PRKDC: variants seen among roughly 807,000 people sequenced by gnomAD.
The protein encoded by PRKDC is DNA-dependent protein kinase catalytic subunit.
PRKDC carries 82 observed loss-of-function variants against 486.9 expected under a neutral mutation model. The ratio of observed to expected loss-of-function variants is 0.17; its 90% confidence interval spans 0.14 to 0.20. PRKDC has a LOEUF of 0.20. Among genes scored for constraint, PRKDC ranks in the 10% least tolerant of loss-of-function variants. The pLI, the probability that PRKDC is intolerant of heterozygous loss-of-function variation, is 1.00. For missense variants in PRKDC, 4,504 were observed against 5,038.2 expected (o/e 0.89, Z 3.21); for synonymous variants, 1,895 against 1,837.0 (o/e 1.03, Z -0.81).
In PRKDC at chr8:47,957,430, T is replaced by C. The variant is rs2090722843; in HGVS notation, c.156A>G (p.Ala52=). Residue 52 remains alanine, a splice_region_variant and synonymous_variant, in exon 2 of 86, where the codon GCA becomes GCG. Coordinates refer to ENST00000314191, the MANE Select transcript of PRKDC (RefSeq NM_006904.7). Reference sequence around the variant, plus strand: ...TGGAAAAAACTAAAGATGTCTGTAATGCTGTTCAAAAAAATAAGTAAACAA... The same window carrying C: ...TGGAAAAAACTAAAGATGTCTGTAACGCTGTTCAAAAAAATAAGTAAACAA... ...CVLSSSPAVL[A]LQTSLVFSRD... 8.3e-6 allele frequency: 13 copies of C among 1,574,264 alleles called. No homozygotes were observed. Among genetic ancestry groups the C allele is most frequent in the East Asian group, 6.9e-5 (3 of 43,422 alleles).
chr8:47,943,808 T>C (rs752910736), intron 9 of PRKDC, 45 bp downstream of exon 9: 1 of 1,447,168 alleles, frequency 6.9e-7, no homozygotes, highest in Non-Finnish European at 9.4e-7. Flanking sequence ...GAGATGTTAA[T>C]TTAGTAATCT....
intron 22 of PRKDC, among the ~76,000 whole-genome samples, chr8:47,917,304 A>G (rs1453116968): frequency 1.3e-5 from 2 of 152,188 alleles, no homozygotes; most frequent in African/African-American, 4.8e-5. Context: ...TTGTAAAACT[A>G]GAGATATATT....
At chr8:47,935,263 AGGCT>A (rs2154503762) in intron 13 of PRKDC, among the ~76,000 whole-genome samples, 1 of 152,280 alleles carries the variant, frequency 6.6e-6, no homozygotes, top group East Asian at 1.9e-4. Context: ...GCACTTTGGG[AGGCT>A]GAGGCAGGTG....
intron 4 of PRKDC, among the ~76,000 whole-genome samples, chr8:47,955,036 C>G (rs2090679207): frequency 6.6e-6 from 1 of 151,978 alleles, no homozygotes; most frequent in Non-Finnish European, 1.5e-5. Flanking sequence ...TGCCTGTAAT[C>G]CCAGCTACTC....
intron 21 of PRKDC, among the ~76,000 whole-genome samples, chr8:47,922,996 A>G (rs1443186583): frequency 6.6e-6 from 1 of 152,140 alleles, no homozygotes; most frequent in Admixed American, 6.5e-5. Flanking sequence ...AGCAAAGGTC[A>G]CTTAATCTTG....
At chr8:47,934,521 CGA>C (rs2090314323) in intron 14 of PRKDC, among the ~76,000 whole-genome samples, 1 of 152,058 alleles carries the variant, frequency 6.6e-6, no homozygotes, top group Non-Finnish European at 1.5e-5. Flanking sequence ...GGTGACAGAG[CGA>C]GACTCTGTCT....
At chr8:47,911,388 C>T (rs2089899811) in intron 25 of PRKDC, among the ~76,000 whole-genome samples, 1 of 152,236 alleles carries the variant, frequency 6.6e-6, no homozygotes, top group African/African-American at 2.4e-5. Context: ...TCACATTAAA[C>T]ATCATGTGAA....
chr8:47,795,890 T>C (rs2086975469), intron 73 of PRKDC, among the ~76,000 whole-genome samples: 2 of 151,262 alleles, frequency 1.3e-5, no homozygotes. Context: ...AACATTGGTA[T>C]GGAATTTTTT....
chr8:47,831,906 G>C lies in PRKDC; in HGVS notation c.8173C>G (p.Leu2725Val), dbSNP rs766994936. 17 of 1,613,110 alleles carry C rather than the reference G, an allele frequency of 1.1e-5. No individual in the cohort carries two copies. The East Asian group carries it at 3.3e-4, about 32-fold the overall frequency. ...KVKGAAGRTD[L>V]LRLRRRFMRD... ...ATAAACCGTCTGCGCAGTCGTAGTA[G>C]GTCCGTCCGGCCGGCCGCACCTGGA... The change falls in exon 60 of 86, where the codon CTA (leucine) becomes GTA (valine). Residue 2725 changes from leucine (L) to valine (V), a missense_variant. Around this residue, in one of 6 missense-constraint regions of PRKDC, gnomAD observed 1,592 missense variants for 1,724.6 expected, o/e 0.92. Transcript: ENST00000314191.
chr8:47,904,358 A>T (rs2089734784), intron 26 of PRKDC, among the ~76,000 whole-genome samples: 1 of 152,186 alleles, frequency 6.6e-6, no homozygotes, highest in Non-Finnish European at 1.5e-5. Context: ...AGGTTGAAGC[A>T]ATTCTCATGC....
chr8:47,832,828 G>A (rs1050774269), intron 59 of PRKDC, among the ~76,000 whole-genome samples: 4 of 152,130 alleles, frequency 2.6e-5, no homozygotes, highest in African/African-American at 7.2e-5. Flanking sequence ...AGACTGAAAC[G>A]GATCTACGCC....
chr8:47,836,375 G>A lies in PRKDC; in HGVS notation c.7914C>T (p.Thr2638=), dbSNP rs1315268731. 5.0e-6 allele frequency: 8 copies of A among 1,606,332 alleles called. No homozygotes were observed. Among genetic ancestry groups the A allele is most frequent in the Middle Eastern group, 1.7e-4 (1 of 6,030 alleles). The change falls in exon 58 of 86, where the codon ACC becomes ACT. Residue 2638 remains threonine (T), a synonymous_variant. Coordinates refer to ENST00000314191, the MANE Select transcript of PRKDC (RefSeq NM_006904.7). ...TCAGTGTGAAGTCATGCTGCTGCTG[G>A]GTGGCCCTTATCTGCCCTGCCACTG... ...RWPVAGQIRA[T]QQQHDFTLTQ...
chr8:47,908,809 T>C (rs1039465308), intron 25 of PRKDC, among the ~76,000 whole-genome samples: 3 of 152,222 alleles, frequency 2.0e-5, no homozygotes, highest in Non-Finnish European at 4.4e-5. Flanking sequence ...CAGACAGATA[T>C]GCTATGTGGT....
intron 25 of PRKDC, among the ~76,000 whole-genome samples, chr8:47,909,469 T>C (rs749634726): frequency 5.3e-5 from 8 of 152,112 alleles, no homozygotes; most frequent in South Asian, 2.1e-4. Context: ...ACCGTACAAA[T>C]TGATTGTAAA....
intron 67 of PRKDC, among the ~76,000 whole-genome samples, chr8:47,818,371 A>G (rs1359919974): frequency 6.6e-6 from 1 of 151,970 alleles, no homozygotes; most frequent in Non-Finnish European, 1.5e-5. Flanking sequence ...CGAGGTCAGG[A>G]GATCGAGACC....
intron 66 of PRKDC, among the ~76,000 whole-genome samples, 192 bp downstream of exon 66, chr8:47,820,527 G>A (rs1230481029): frequency 1.3e-5 from 2 of 151,862 alleles, no homozygotes; most frequent in Non-Finnish European, 2.9e-5. Flanking sequence ...AGAATGAACA[G>A]CATTATTGGA....
intron 64 of PRKDC, 114 bp from the exon 65 acceptor site, chr8:47,821,906 CGGAAA>C (rs1472653834): frequency 3.0e-6 from 3 of 993,014 alleles, no homozygotes; most frequent in African/African-American, 3.4e-5. Flanking sequence ...TTCAGATTTA[CGGAAA>C]GGAGAGAGAA....
chr8:47,832,296 G>A (rs2087902937), intron 59 of PRKDC, among the ~76,000 whole-genome samples: 1 of 152,222 alleles, frequency 6.6e-6, no homozygotes, highest in Non-Finnish European at 1.5e-5. Flanking sequence ...AACCTGACCA[G>A]GGACAGGTGA....
At position 47,919,584 on chromosome 8, in the gene PRKDC, T is replaced by C. The variant is rs943298075; in HGVS notation, c.2420-1201A>G. ...CCGGTGGTTTAACTCCAGCAAGTCT[T>C]CTCTTGGTTCCAGAATGAATCCCTG... On this transcript the variant is annotated intron_variant, in intron 21 of 85. Transcript: ENST00000314191. 3.9e-5 allele frequency among the ~76,000 whole-genome samples: 6 copies of C among 152,182 alleles called. No homozygotes were observed. The East Asian group carries it at 1.2e-3, about 29-fold the overall frequency.
Sources: gnomAD v4.1 joint callset for allele counts (sites outside exome capture counted in the v4.1 genomes callset) on GRCh38, gnomAD v4.1.1 for gene constraint, gnomAD v4.1.1 regional missense constraint, MANE v1.5 for transcripts, NCBI Gene and HGNC (gene_info 2026-07-23, HGNC 2026-07-21) for gene names.